WNK2: variants seen among roughly 807,000 people sequenced by gnomAD.
WNK2 encodes the protein WNK lysine deficient protein kinase 2.
In WNK2, 67 loss-of-function variants were observed where a neutral mutation model predicts 192.1. The observed-to-expected ratio is 0.35, with a 90% CI of 0.29 to 0.43. The LOEUF is 0.43. WNK2 is among the 20% of genes least tolerant of loss of function. The pLI, the probability that WNK2 is intolerant of heterozygous loss-of-function variation, is 1.00. For missense variants in WNK2, 2,698 were observed against 3,089.7 expected (o/e 0.87, Z 3.01); for synonymous variants, 1,439 against 1,393.9 (o/e 1.03, Z -0.72).
At chr9:93,295,337 C>T (rs776816528) in intron 23 of WNK2, among the ~76,000 whole-genome samples, 3 of 152,184 alleles carry the variant, frequency 2.0e-5, no homozygotes, top group African/African-American at 7.2e-5. Context: ...TGAAATAGTA[C>T]TCCCTTCCAG....
chr9:93,259,443 A>G lies in WNK2; in HGVS notation c.2895A>G (p.Gln965=), dbSNP rs1424706905. 14 of 967,008 alleles carry G rather than the reference A, an allele frequency of 1.4e-5. No individual in the cohort carries two copies. In the African/African-American group the frequency reaches 3.0e-4, roughly 21 times the overall value. The allele number at this position is 967,008 out of a possible 1,614,324, so 59.9% of individuals were successfully genotyped here. ...VLPPQPTLPP[Q]PVLPPQPTRP... is the part of the protein sequence containing the mutation. ...CCCCGCAACCCACGCTGCCCCCTCA[A>G]CCTGTGTTGCCCCCGCAACCCACAC... Residue 965 remains glutamine, a synonymous_variant, in exon 12 of 30, where the codon CAA becomes CAG. Transcript: ENST00000427277. The surrounding 1 kb of genome is among the most constrained non-coding windows in gnomAD (Gnocchi z 4.8).
In WNK2 at chr9:93,199,899, C is replaced by CAAAAAAAAAAAAAAAAAAAAAA. The variant is rs59582411; in HGVS notation, c.681+14301_681+14302insAAAAAAAAAAAAAAAAAAAAAA. Among the ~76,000 whole-genome samples the CAAAAAAAAAAAAAAAAAAAAAA allele has an allele frequency of 3.7e-4, 40 of 107,704 alleles. 1 individual carries two copies. Among genetic ancestry groups the CAAAAAAAAAAAAAAAAAAAAAA allele is most frequent in the African/African-American group, 1.2e-3 (37 of 30,892 alleles). The allele number at this position is 107,704 out of a possible 152,430, so 70.7% of individuals were successfully genotyped here. ...GGCGACAGAGCAAGACTCTTTGTCT[C>CAAAAAAAAAAAAAAAAAAAAAA]AAAAAAAAAAAAGAAAACACAAAGC... is the stretch of plus-strand genomic sequence containing the variant. On this transcript the variant is annotated intron_variant, in intron 2 of 29. Coordinates refer to ENST00000427277, the MANE Select transcript of WNK2 (RefSeq NM_006648.4).
intron 8 of WNK2, among the ~76,000 whole-genome samples, chr9:93,251,060 T>C (rs1842528564): frequency 1.3e-5 from 2 of 152,146 alleles, no homozygotes; most frequent in South Asian, 4.1e-4. Flanking sequence ...GTGCTGGGAT[T>C]ACAGGCATGA....
At chr9:93,284,141 T>G (rs1261515730) in intron 19 of WNK2, among the ~76,000 whole-genome samples, 4 of 152,152 alleles carry the variant, frequency 2.6e-5, no homozygotes, top group Non-Finnish European at 5.9e-5. Flanking sequence ...CCACAGATAC[T>G]TAAGTGAGAA....
intron 29 of WNK2, chr9:93,317,858 C>A: frequency 1.3e-6 from 2 of 1,551,478 alleles, no homozygotes; most frequent in Non-Finnish European, 1.7e-6. Flanking sequence ...AGCCTTCTGC[C>A]CTGTCCCTTG....
At chr9:93,191,739 T>G (rs1382475243) in intron 2 of WNK2, among the ~76,000 whole-genome samples, 1 of 151,814 alleles carries the variant, frequency 6.6e-6, no homozygotes, top group Non-Finnish European at 1.5e-5. Context: ...GTAGAGAAGG[T>G]AGGAATCGTC....
At chr9:93,253,231 C>A in intron 9 of WNK2, 149 bp downstream of exon 9, 1 of 690,548 alleles carries the variant, frequency 1.4e-6, no homozygotes, top group Non-Finnish European at 2.0e-6. Flanking sequence ...TCCAGCCACA[C>A]TTCCCCTGGG....
intron 19 of WNK2, among the ~76,000 whole-genome samples, chr9:93,270,379 G>C (rs1478863428): frequency 6.6e-6 from 1 of 152,204 alleles, no homozygotes; most frequent in African/African-American, 2.4e-5. Context: ...AAAGAGTTGG[G>C]TGCTGGGTAA....
chr9:93,243,864 C>T (rs1015321158), intron 7 of WNK2, among the ~76,000 whole-genome samples: 4 of 152,258 alleles, frequency 2.6e-5, no homozygotes, highest in Admixed American at 6.5e-5. Flanking sequence ...GCAATGAAAA[C>T]AGCTTGATGT....
Position 93,259,403 on chromosome 9 carries a change from C to G in WNK2, c.2855C>G (p.Pro952Arg). The G allele has an allele frequency of 1.3e-6, 2 of 1,592,064 alleles. No homozygotes were observed. Among genetic ancestry groups the G allele is most frequent in the Non-Finnish European group, 1.7e-6 (2 of 1,168,430 alleles). ...PALPPQPTLP[P>R]QPVLPPQPTL... Reference sequence around the variant, plus strand: ...CTGCCTCCACAACCCACACTGCCCCCACAACCCGTGCTGCCCCCGCAACCC... The same window carrying G: ...CTGCCTCCACAACCCACACTGCCCCGACAACCCGTGCTGCCCCCGCAACCC... Residue 952 changes from proline (P) to arginine (R), a missense_variant, in exon 12 of 30, where the codon CCA becomes CGA. Pro to Arg is a moderately radical substitution (Grantham distance 103). Coordinates refer to ENST00000427277, the MANE Select transcript of WNK2 (RefSeq NM_006648.4). This position sits in a 1 kb window ranked among gnomAD's most constrained non-coding sequence, Gnocchi z 4.8.
intron 19 of WNK2, among the ~76,000 whole-genome samples, chr9:93,283,512 A>C (rs1848030222): frequency 6.6e-6 from 1 of 152,226 alleles, no homozygotes; most frequent in Admixed American, 6.5e-5. Context: ...TAAGAATTTG[A>C]AAATTTCTTT....
At chr9:93,268,449 C>T (rs762506811) in intron 18 of WNK2, among the ~76,000 whole-genome samples, 178 bp from the exon 19 acceptor site, 23 of 152,026 alleles carry the variant, frequency 1.5e-4, no homozygotes, top group Non-Finnish European at 2.4e-4. Flanking sequence ...TGGAGGGAAG[C>T]GTTGGGGATT....
At chr9:93,287,476 C>G (rs1250602861) in intron 19 of WNK2, among the ~76,000 whole-genome samples, 1 of 152,178 alleles carries the variant, frequency 6.6e-6, no homozygotes, top group Non-Finnish European at 1.5e-5. Flanking sequence ...AAGGACACAT[C>G]TCACAAACAC....
In WNK2 at chr9:93,229,907, A is replaced by T. The variant is rs767102684; in HGVS notation, c.854+39A>T. On this transcript the variant is annotated intron_variant, in intron 3 of 29. Coordinates refer to ENST00000427277, the MANE Select transcript of WNK2 (RefSeq NM_006648.4). The surrounding 1 kb of genome is among the most constrained non-coding windows in gnomAD (Gnocchi z 4.9). Reference sequence around the variant, plus strand: ...CCTGAGGGCTGGGGCGGGTCCTGGCATGGGTGCAGGGCTACCATAGCTGAG... The same window carrying T: ...CCTGAGGGCTGGGGCGGGTCCTGGCTTGGGTGCAGGGCTACCATAGCTGAG... 6.2e-7 allele frequency: 1 copy of T among 1,602,292 alleles called. No homozygotes were observed. Among genetic ancestry groups the T allele is most frequent in the East Asian group, 2.2e-5 (1 of 44,604 alleles).
chr9:93,270,404 A>T (rs1845846013), intron 19 of WNK2, among the ~76,000 whole-genome samples: 1 of 152,272 alleles, frequency 6.6e-6, no homozygotes, highest in Non-Finnish European at 1.5e-5. Context: ...GAGAAAGCAC[A>T]CACATCCATT....
At chr9:93,256,659 G>A (rs1006875358) in intron 10 of WNK2, 3 of 690,948 alleles carry the variant, frequency 4.3e-6, no homozygotes, top group Non-Finnish European at 7.0e-6. Context: ...GTGTGTTTGT[G>A]TGCGTGCATA....
At chr9:93,238,552 C>G (rs141456584) in intron 6 of WNK2, among the ~76,000 whole-genome samples, 26 of 152,336 alleles carry the variant, frequency 1.7e-4, no homozygotes, top group African/African-American at 5.8e-4. Context: ...TGGAAACCCT[C>G]TCCTTGGCTT....
At position 93,308,412 on chromosome 9, in the gene WNK2, A is replaced by G; in HGVS notation, c.6344A>G (p.Asn2115Ser). The G allele has an allele frequency of 1.2e-6, 2 of 1,600,220 alleles. No individual in the cohort carries two copies. The highest frequency in any genetic ancestry group is 1.7e-6 in the Non-Finnish European group (2 of 1,174,180). ...GTCCAGGCGCAGGTGAACAACAGCA[A>G]CAACAAGAAGGGTACCTTCACGGAC... ...LHVQAQVNNS[N>S]NKKGTFTDDL... Residue 2115 changes from asparagine (N) to serine (S), a missense_variant, in exon 28 of 30, where the codon AAC (asparagine) becomes AGC (serine). Transcript: ENST00000427277.
chr9:93,261,004 G>T (rs1344092194), intron 12 of WNK2, among the ~76,000 whole-genome samples: 1 of 152,134 alleles, frequency 6.6e-6, no homozygotes, highest in African/African-American at 2.4e-5. Flanking sequence ...TGTTTGGCTG[G>T]GGAAGGGTCC....
Sources: gnomAD v4.1 joint callset for allele counts (sites outside exome capture counted in the v4.1 genomes callset) on GRCh38, gnomAD v4.1.1 for gene constraint, Gnocchi (gnomAD v3.1) non-coding constraint, MANE v1.5 for transcripts, NCBI Gene and HGNC (gene_info 2026-07-23, HGNC 2026-07-21) for gene names.